The following SPRY4 variants were observed in gnomAD, a reference collection of about 807,000 sequenced individuals.
The protein encoded by SPRY4 is protein sprouty homolog 4.
In SPRY4, 7 loss-of-function variants were observed where a neutral mutation model predicts 17.0. The observed-to-expected ratio is 0.41, with a 90% CI of 0.23 to 0.77. SPRY4 has a LOEUF of 0.77. Ranked by LOEUF, SPRY4 falls within the 30% of genes least tolerant of loss-of-function variation. The pLI, the probability that SPRY4 is intolerant of heterozygous loss-of-function variation, is 0.32. For missense variants in SPRY4, 435 were observed against 419.9 expected (o/e 1.04, Z -0.31); for synonymous variants, 183 against 174.1 (o/e 1.05, Z -0.40).
At position 142,314,918 on chromosome 5, in the gene SPRY4, G is replaced by T. The variant is rs1234698639; in HGVS notation, c.191C>A (p.Pro64Gln). 1 of 1,612,036 alleles carries T rather than the reference G, an allele frequency of 6.2e-7. No individual in the cohort carries two copies. Among genetic ancestry groups the T allele is most frequent in the Non-Finnish European group, 8.5e-7 (1 of 1,178,400 alleles). Residue 64 changes from proline to glutamine, a missense_variant, in exon 2 of 2, where the codon CCA becomes CAA. Pro to Gln is a moderately conservative substitution (Grantham distance 76). Transcript: ENST00000434127. The surrounding 1 kb of genome is among the most constrained non-coding windows in gnomAD (Gnocchi z 4.8). The stretch of plus-strand genomic sequence containing the variant: ...TGGGGCCCCGCCCCGGGTCCGCTTT[G>T]GGCCGGTGGTCAGGGCCAGGCTAGG... ...DNPSLALTTGPKRTRGGAPEL... is the reference protein window; with the variant it reads ...DNPSLALTTGQKRTRGGAPEL...
chr5:142,320,926 G>A (rs1425074355), intron 1 of SPRY4, among the ~76,000 whole-genome samples: 3 of 152,272 alleles, frequency 2.0e-5, no homozygotes, highest in East Asian at 1.9e-4. Flanking sequence ...CACCTGCCCC[G>A]AAGGGCCCCT....
At chr5:142,316,907 T>C (rs1394684351) in intron 1 of SPRY4, among the ~76,000 whole-genome samples, 1 of 152,246 alleles carries the variant, frequency 6.6e-6, no homozygotes, top group East Asian at 1.9e-4. Context: ...CCCATGGCCC[T>C]GCCTACTTAA....
In SPRY4 at chr5:142,313,693, G is replaced by C. The variant is rs1759011059; in HGVS notation, c.*516C>G. On this transcript the variant is annotated 3_prime_UTR_variant, in exon 2 of 2. Coordinates refer to ENST00000434127, the MANE Select transcript of SPRY4 (RefSeq NM_001127496.3). ...AAGACATCAGGGACAAAGTGGGGTGGAGTGAGATGGGGAAGGAGAAGAAGG... is the reference window on the plus strand; with the variant it reads ...AAGACATCAGGGACAAAGTGGGGTGCAGTGAGATGGGGAAGGAGAAGAAGG... 6.3e-6 allele frequency: 1 copy of C among 158,408 alleles called. No homozygotes were observed. 9.8% of individuals were successfully genotyped at this position (158,408 alleles called of 1,614,324 possible). A position where few individuals can be genotyped will look rare whatever the true frequency, so the allele number is the denominator to read the frequency against.
rs368059191 is a variant in SPRY4 at position 142,319,826 on chromosome 5, C to T, written c.-47-4671G>A. ...AGAATCAAGAGGCATGTTAAATGTC[C>T]GCACAATTGAGCAGGATGCCTAATC... On this transcript the variant is annotated intron_variant, in intron 1 of 1. Coordinates refer to ENST00000434127, the MANE Select transcript of SPRY4 (RefSeq NM_001127496.3). 4.8e-5 allele frequency: 76 copies of T among 1,589,654 alleles called. 1 individual carries two copies. Among genetic ancestry groups the T allele is most frequent in the South Asian group, 2.2e-4 (19 of 86,904 alleles).
chr5:142,317,389 G>T (rs1278384572), intron 1 of SPRY4: 1 of 985,272 alleles, frequency 1.0e-6, no homozygotes, highest in East Asian at 1.1e-4. Context: ...AAATGCCACG[G>T]ATAAGATTCT....
chr5:142,320,404 A>C (rs1487619133), intron 1 of SPRY4, among the ~76,000 whole-genome samples: 1 of 152,034 alleles, frequency 6.6e-6, no homozygotes, highest in Non-Finnish European at 1.5e-5. Flanking sequence ...ACAAAAAAAA[A>C]ACGGTTGTTT....
At chr5:142,324,199 A>C (rs1759453631) in intron 1 of SPRY4, 1 of 152,350 alleles carries the variant, frequency 6.6e-6, no homozygotes, top group Non-Finnish European at 1.5e-5. Context: ...AGCGGAGCAA[A>C]GGTCAGACGG....
intron 1 of SPRY4, among the ~76,000 whole-genome samples, chr5:142,315,983 C>G (rs1759137410): frequency 6.6e-6 from 1 of 152,164 alleles, no homozygotes; most frequent in African/African-American, 2.4e-5. Context: ...AGGGCTGTAT[C>G]TGATGCCTGC....
Position 142,314,534 on chromosome 5 carries a change from G to GT in SPRY4, c.574dup (p.Thr192AsnfsTer22). On this transcript the variant is annotated frameshift_variant, in exon 2 of 2. Transcript: ENST00000434127. LOFTEE classifies it high-confidence loss of function. This position sits in a 1 kb window ranked among gnomAD's most constrained non-coding sequence, Gnocchi z 4.8. Reference sequence around the variant, plus strand: ...CATGCACGTGCCATAGTTGACCAGAGTCTGGGCTGAGCACAGGCACTCCTG... The same window carrying GT: ...CATGCACGTGCCATAGTTGACCAGAGTTCTGGGCTGAGCACAGGCACTCCTG... 1 of 1,614,236 alleles carries GT rather than the reference G, an allele frequency of 6.2e-7. No individual in the cohort carries two copies.
chr5:142,311,564 TTTG>T lies in SPRY4; in HGVS notation c.*2642_*2644del, dbSNP rs68140442. 0.27 allele frequency: 40,361 copies of T among 150,598 alleles called. 5,918 individuals are homozygous for T. The highest frequency in any genetic ancestry group is 0.62 in the East Asian group (3,054 of 4,960). The allele number at this position is 150,598 out of a possible 1,614,324, so 9.3% of individuals were successfully genotyped here. ...ACAGGCAAGCCAGTTTATCCTTCTG[TTTG>T]TTGTTGTTGTTGTTGTTGTTGTTGT... is the stretch of plus-strand genomic sequence containing the variant. On this transcript the variant is annotated 3_prime_UTR_variant, in exon 2 of 2. Transcript: ENST00000434127.
rs1348954203 is a variant in SPRY4, at chr5:142,312,321, T to C, written c.*1888A>G. ...ACGAATCAGCCTTGGAAAATGCAGA[T>C]GCAATATTTCACATTCGCCTTTTAC... On this transcript the variant is annotated 3_prime_UTR_variant, in exon 2 of 2. Coordinates refer to ENST00000434127, the MANE Select transcript of SPRY4 (RefSeq NM_001127496.3). The C allele has an allele frequency of 1.3e-5, 2 of 152,642 alleles. No individual in the cohort carries two copies. Among genetic ancestry groups the C allele is most frequent in the East Asian group, 3.8e-4 (2 of 5,198 alleles). 9.5% of individuals were successfully genotyped at this position (152,642 alleles called of 1,614,324 possible). A position where few individuals can be genotyped will look rare whatever the true frequency, so the allele number is the denominator to read the frequency against.
At chr5:142,320,181 TAAAA>T (rs756703678) in intron 1 of SPRY4, among the ~76,000 whole-genome samples, 1 of 152,148 alleles carries the variant, frequency 6.6e-6, no homozygotes, top group Non-Finnish European at 1.5e-5. Context: ...AAAAGGACTT[TAAAA>T]AGAGGGGGAG....
At chr5:142,321,676 T>C (rs1298614241) in intron 1 of SPRY4, among the ~76,000 whole-genome samples, 1 of 152,194 alleles carries the variant, frequency 6.6e-6, no homozygotes, top group Non-Finnish European at 1.5e-5. Context: ...GCCACCTAAG[T>C]AGAGGCCAGA....
Position 142,315,006 on chromosome 5 carries a change from G to C in SPRY4, c.103C>G (p.Leu35Val). ...RMSHSRLQHP[L>V]TILPIDQVKT... Reference sequence around the variant, plus strand: ...ACCTGGTCAATGGGTAGGATGGTGAGTGGGTGCTGGAGCCGGCTGTGGGAC... The same window carrying C: ...ACCTGGTCAATGGGTAGGATGGTGACTGGGTGCTGGAGCCGGCTGTGGGAC... The change falls in exon 2 of 2, where the codon CTC (leucine) becomes GTC (valine). Residue 35 changes from leucine to valine, a missense_variant. Transcript: ENST00000434127. 1 of 1,613,970 alleles carries C rather than the reference G, an allele frequency of 6.2e-7. No homozygotes were observed. Among genetic ancestry groups the C allele is most frequent in the Non-Finnish European group, 8.5e-7 (1 of 1,180,030 alleles).
chr5:142,311,983 A>C lies in SPRY4; in HGVS notation c.*2226T>G. On this transcript the variant is annotated 3_prime_UTR_variant, in exon 2 of 2. Transcript: ENST00000434127. Reference sequence around the variant, plus strand: ...GTGTATACACAGCTTATGTAAATCGACTCTCCACAGAACGGGTGTGTAGAC... The same window carrying C: ...GTGTATACACAGCTTATGTAAATCGCCTCTCCACAGAACGGGTGTGTAGAC... 1.1e-5 allele frequency: 1 copy of C among 92,542 alleles called. No individual in the cohort carries two copies. Among genetic ancestry groups the C allele is most frequent in the African/African-American group, 3.8e-5 (1 of 26,092 alleles). The allele number at this position is 92,542 out of a possible 1,614,324, so 5.7% of individuals were successfully genotyped here.
At position 142,313,243 on chromosome 5, in the gene SPRY4, A is replaced by T. The variant is rs998428960; in HGVS notation, c.*966T>A. 2 of 152,576 alleles carry T rather than the reference A, an allele frequency of 1.3e-5. No homozygotes were observed. The highest frequency in any genetic ancestry group is 6.5e-5 in the Admixed American group (1 of 15,282). The allele number at this position is 152,576 out of a possible 1,614,324, so 9.5% of individuals were successfully genotyped here. A position where few individuals can be genotyped will look rare whatever the true frequency, so the allele number is the denominator to read the frequency against. Reference sequence around the variant, plus strand: ...AAAGGAAACAAGTTGTTTTATTATTATTTTTTAAAACACCGTTAGCATCCG... The same window carrying T: ...AAAGGAAACAAGTTGTTTTATTATTTTTTTTTAAAACACCGTTAGCATCCG... On this transcript the variant is annotated 3_prime_UTR_variant, in exon 2 of 2. Transcript: ENST00000434127.
In SPRY4 at chr5:142,314,720, C is replaced by T. The variant is rs751629539; in HGVS notation, c.389G>A (p.Arg130His). Residue 130 changes from arginine to histidine, a missense_variant, in exon 2 of 2, where the codon CGC becomes CAC. Coordinates refer to ENST00000434127, the MANE Select transcript of SPRY4 (RefSeq NM_001127496.3). This position sits in a 1 kb window ranked among gnomAD's most constrained non-coding sequence, Gnocchi z 4.8. The part of the protein sequence containing the change: ...VADQASPRAV[R>H]IQPKVVHCQP... Reference sequence around the variant, plus strand: ...GCAGTGGACCACCTTGGGCTGGATGCGCACAGCCCTTGGTGAGGCCTGGTC... The same window carrying T: ...GCAGTGGACCACCTTGGGCTGGATGTGCACAGCCCTTGGTGAGGCCTGGTC... 4.2e-5 allele frequency: 67 copies of T among 1,612,550 alleles called. No homozygotes were observed. The highest frequency in any genetic ancestry group is 9.3e-5 in the African/African-American group (7 of 75,000).
chr5:142,313,242 T>G lies in SPRY4; in HGVS notation c.*967A>C, dbSNP rs1378571837. The G allele has an allele frequency of 1.3e-5, 2 of 152,620 alleles. No individual in the cohort carries two copies. Among genetic ancestry groups the G allele is most frequent in the East Asian group, 3.9e-4 (2 of 5,188 alleles). 9.5% of individuals were successfully genotyped at this position (152,620 alleles called of 1,614,324 possible). ...AAAAGGAAACAAGTTGTTTTATTAT[T>G]ATTTTTTAAAACACCGTTAGCATCC... is the stretch of plus-strand genomic sequence containing the variant. On this transcript the variant is annotated 3_prime_UTR_variant, in exon 2 of 2. Transcript: ENST00000434127.
intron 1 of SPRY4, chr5:142,319,801 AG>A: frequency 6.2e-7 from 1 of 1,607,948 alleles, no homozygotes; most frequent in Non-Finnish European, 8.5e-7. Context: ...CTGGCTGAAA[AG>A]AATCAAGAGG....
Sources: gnomAD v4.1 joint callset for allele counts (sites outside exome capture counted in the v4.1 genomes callset) on GRCh38, gnomAD v4.1.1 for gene constraint, Gnocchi (gnomAD v3.1) non-coding constraint, MANE v1.5 for transcripts, NCBI Gene and HGNC (gene_info 2026-07-23, HGNC 2026-07-21) for gene names.